The following SLC17A5 variants were observed in gnomAD, a reference collection of about 807,000 sequenced individuals.
The protein encoded by SLC17A5 is solute carrier family 17 member 5.
A neutral mutation model predicts 59.4 loss-of-function variants in SLC17A5; 47 were observed. The observed-to-expected ratio is 0.79, with a 90% CI of 0.63 to 1.01. The LOEUF is 1.01. Among genes scored for constraint, SLC17A5 ranks in the 50% least tolerant of loss-of-function variants. The pLI is 0.00. For missense variants in SLC17A5, 522 were observed against 595.5 expected, an observed-to-expected ratio of 0.88 and a Z score of 1.28; for synonymous variants, 202 against 210.7, an observed-to-expected ratio of 0.96 and a Z score of 0.36.
rs181703712 is a variant in SLC17A5 at position 73,651,419 on chromosome 6, C to T, written c.94+2374G>A. On this transcript the variant is annotated intron_variant, in intron 1 of 10. Coordinates refer to ENST00000355773, the MANE Select transcript of SLC17A5 (RefSeq NM_012434.5). ...GAGGCTGCAGTGAGCCGAGATCGCA[C>T]CACTGCACTCCAGCCTGGGCGACAG... is the stretch of plus-strand genomic sequence containing the variant. Among the ~76,000 whole-genome samples the T allele has an allele frequency of 1.2e-3, 162 of 130,606 alleles. 1 individual carries two copies. Among genetic ancestry groups the T allele is most frequent in the African/African-American group, 4.7e-3 (160 of 34,130 alleles). The allele number at this position is 130,606 out of a possible 152,430, so 85.7% of individuals were successfully genotyped here.
intron 4 of SLC17A5, among the ~76,000 whole-genome samples, chr6:73,637,528 T>C (rs1769072569): frequency 6.6e-6 from 1 of 152,256 alleles, no homozygotes; most frequent in East Asian, 1.9e-4. Flanking sequence ...TTTTTTCCTG[T>C]AGCCTGTAAG....
At chr6:73,629,631 T>C (rs7758825) in intron 6 of SLC17A5, among the ~76,000 whole-genome samples, 24,743 of 151,642 alleles carry the variant, frequency 0.16, 3,108 homozygotes, top group African/African-American at 0.35. Context: ...AAAAATTAGC[T>C]GGGCGTGGTG....
chr6:73,595,782 G>A (rs375131280), intron 10 of SLC17A5, among the ~76,000 whole-genome samples: 4 of 151,806 alleles, frequency 2.6e-5, no homozygotes, highest in African/African-American at 4.8e-5. Context: ...GCGCAATCTC[G>A]GCTCACTGCA....
chr6:73,613,540 A>G (rs1234129841), intron 8 of SLC17A5, among the ~76,000 whole-genome samples: 2 of 152,000 alleles, frequency 1.3e-5, no homozygotes, highest in Non-Finnish European at 2.9e-5. Flanking sequence ...TAATTTTTGT[A>G]TTTTTAGTAG....
chr6:73,595,325 C>G lies in SLC17A5; in HGVS notation c.1351-111G>C, dbSNP rs1581948665. On this transcript the variant is annotated intron_variant, in intron 10 of 10. Coordinates refer to ENST00000355773, the MANE Select transcript of SLC17A5 (RefSeq NM_012434.5). ...AAACAGCCACATTATTCATAAAAGC[C>G]TCATCCTTGAAACAACCCAAATGTC... 4.8e-6 allele frequency: 6 copies of G among 1,251,136 alleles called. No homozygotes were observed. In the East Asian group the frequency reaches 1.5e-4, roughly 31 times the overall value. The allele number at this position is 1,251,136 out of a possible 1,614,324, so 77.5% of individuals were successfully genotyped here.
intron 8 of SLC17A5, among the ~76,000 whole-genome samples, chr6:73,611,249 T>C (rs1432404684): frequency 6.6e-6 from 1 of 152,086 alleles, no homozygotes; most frequent in Non-Finnish European, 1.5e-5. Context: ...CCTTGTTTCT[T>C]AAAAAGATTT....
intron 10 of SLC17A5, 127 bp downstream of exon 10, chr6:73,600,224 C>T (rs982227329): frequency 1.3e-6 from 1 of 785,196 alleles, no homozygotes; most frequent in Non-Finnish European, 2.2e-6. Context: ...AGGCATTTAG[C>T]TTTTTGTTGC....
intron 10 of SLC17A5, among the ~76,000 whole-genome samples, chr6:73,600,003 T>G (rs1421505082): frequency 6.6e-6 from 1 of 152,114 alleles, no homozygotes; most frequent in African/African-American, 2.4e-5. Context: ...ACCATGTTGG[T>G]GAGGCTGGTA....
intron 1 of SLC17A5, among the ~76,000 whole-genome samples, chr6:73,647,549 A>G (rs780095536): frequency 2.0e-5 from 3 of 152,160 alleles, no homozygotes; most frequent in Non-Finnish European, 2.9e-5. Context: ...TTCTATCCTT[A>G]TTTGCAGTTA....
At chr6:73,622,303 T>TC (rs1768190542) in intron 6 of SLC17A5, among the ~76,000 whole-genome samples, 1 of 151,876 alleles carries the variant, frequency 6.6e-6, no homozygotes, top group African/African-American at 2.4e-5. Flanking sequence ...TCTTTCTTTT[T>TC]TTTTTTTTTC....
intron 8 of SLC17A5, among the ~76,000 whole-genome samples, chr6:73,611,160 T>C (rs1443496901): frequency 1.3e-5 from 2 of 152,142 alleles, no homozygotes; most frequent in Non-Finnish European, 2.9e-5. Context: ...GGTGGGAGGA[T>C]TGCTTGAGCC....
At chr6:73,634,659 C>T (rs771595435) in intron 6 of SLC17A5, among the ~76,000 whole-genome samples, 2 of 152,210 alleles carry the variant, frequency 1.3e-5, no homozygotes, top group Non-Finnish European at 2.9e-5. Flanking sequence ...CTCAGCCTCC[C>T]AAAGTGCTGG....
At chr6:73,644,106 AAC>A (rs771351120) in intron 2 of SLC17A5, among the ~76,000 whole-genome samples, 3 of 152,206 alleles carry the variant, frequency 2.0e-5, no homozygotes, top group Non-Finnish European at 2.9e-5. Context: ...GAAAATTTAA[AAC>A]AGTTTAATTT....
chr6:73,618,622 GA>G (rs2150095655), intron 7 of SLC17A5: 1 of 441,080 alleles, frequency 2.3e-6, no homozygotes, highest in Non-Finnish European at 4.3e-6. Flanking sequence ...AAGATGAGTG[GA>G]AAACCATCTC....
At chr6:73,611,183 G>A (rs534732101) in intron 8 of SLC17A5, among the ~76,000 whole-genome samples, 1 of 152,284 alleles carries the variant, frequency 6.6e-6, no homozygotes, top group East Asian at 1.9e-4. Context: ...GAAGTTCAAG[G>A]TTACAGTGAG....
chr6:73,613,768 G>C (rs1440999615), intron 8 of SLC17A5, among the ~76,000 whole-genome samples: 1 of 152,164 alleles, frequency 6.6e-6, no homozygotes, highest in African/African-American at 2.4e-5. Flanking sequence ...CAAAATAAAA[G>C]ACTAATATTA....
At chr6:73,645,402 C>CCA (rs904370841) in intron 1 of SLC17A5, 2 of 985,176 alleles carry the variant, frequency 2.0e-6, no homozygotes, top group African/African-American at 3.5e-5. Context: ...GAACCTATGA[C>CCA]AGTTGCAGCA....
chr6:73,622,054 C>T (rs1768178655), intron 6 of SLC17A5, 92 bp from the exon 7 acceptor site: 1 of 1,243,684 alleles, frequency 8.0e-7, no homozygotes, highest in South Asian at 1.2e-5. Flanking sequence ...AGAATTCATA[C>T]AGAATATCAC....
rs185249823 is a variant in SLC17A5, at chr6:73,602,969, C to T, written c.1260-2528G>A. On this transcript the variant is annotated intron_variant, in intron 9 of 10. Coordinates refer to ENST00000355773, the MANE Select transcript of SLC17A5 (RefSeq NM_012434.5). ...TGTAATTAATTTTTGAAAATTAATA[C>T]GAAAAAAGAAAAAAATAATGAAGTA... 3.9e-3 allele frequency among the ~76,000 whole-genome samples: 596 copies of T among 151,484 alleles called. 1 individual carries two copies. The highest frequency in any genetic ancestry group is 0.013 in the African/African-American group (538 of 41,292).
Sources: gnomAD v4.1 joint callset for allele counts (sites outside exome capture counted in the v4.1 genomes callset) on GRCh38, gnomAD v4.1.1 for gene constraint, MANE v1.5 for transcripts, NCBI Gene and HGNC (gene_info 2026-07-23, HGNC 2026-07-21) for gene names.